Variants in STOX2 observed in about 807,000 individuals in gnomAD.
STOX2 encodes storkhead box 2.
Under a neutral mutation model 60.9 loss-of-function variants are expected in STOX2, and 28 were observed. The ratio of observed to expected loss-of-function variants is 0.46; its 90% CI spans 0.34 to 0.63. The LOEUF (loss-of-function observed/expected upper bound fraction) is 0.63. Among genes scored for constraint, STOX2 ranks in the 30% least tolerant of loss-of-function variants. The pLI is 0.01. For synonymous variants in STOX2, 472 were observed against 463.9 expected (o/e 1.02, Z -0.22); for missense variants, 1,024 against 1,187.7 (o/e 0.86, Z 2.03).
intron 1 of STOX2, among the ~76,000 whole-genome samples, chr4:183,917,950 C>T (rs547883075): frequency 2.6e-5 from 4 of 152,298 alleles, no homozygotes; most frequent in East Asian, 1.9e-4. Flanking sequence ...AGTTGTTAAA[C>T]GTGGATTAAA....
In STOX2 at chr4:183,882,393, C is replaced by T. The variant is rs1421499806; in HGVS notation, c.364+84338C>T. ...AAGAAAAAACAGGGCATTTCCCAGA[C>T]GTAAAACTCCTTCTCATTTCCCAGT... On this transcript the variant is annotated intron_variant, in intron 1 of 2. Transcript: ENST00000513034. Among the ~76,000 whole-genome samples, 5 of 152,194 alleles carry T rather than the reference C, an allele frequency of 3.3e-5. No individual in the cohort carries two copies. The East Asian group carries it at 5.8e-4, about 18-fold the overall frequency.
chr4:183,939,472 G>A (rs1742689639), intron 1 of STOX2, among the ~76,000 whole-genome samples: 1 of 152,172 alleles, frequency 6.6e-6, no homozygotes, highest in Admixed American at 6.5e-5. Flanking sequence ...CTCATCTCGA[G>A]TTCCTTAACT....
chr4:183,960,711 G>A (rs1743387529), intron 1 of STOX2, among the ~76,000 whole-genome samples: 1 of 152,180 alleles, frequency 6.6e-6, no homozygotes, highest in South Asian at 2.1e-4. Flanking sequence ...GGGCCATAAA[G>A]GGGGATGTAA....
intron 1 of STOX2, among the ~76,000 whole-genome samples, chr4:183,883,445 G>A (rs548667495): frequency 2.0e-4 from 31 of 151,488 alleles, no homozygotes; most frequent in South Asian, 6.3e-4. Flanking sequence ...ACGGCCTCCC[G>A]AGTAGCTGGG....
chr4:183,939,055 G>A (rs1270061659), intron 1 of STOX2, among the ~76,000 whole-genome samples: 1 of 152,186 alleles, frequency 6.6e-6, no homozygotes, highest in Non-Finnish European at 1.5e-5. Context: ...TTCAGATTTT[G>A]GACTTGTAAA....
intron 1 of STOX2, among the ~76,000 whole-genome samples, chr4:183,916,174 G>C (rs575338360): frequency 6.6e-6 from 1 of 152,202 alleles, no homozygotes; most frequent in African/African-American, 2.4e-5. Context: ...TGGCGTTCCC[G>C]GGCCAGGGGT....
intron 1 of STOX2, among the ~76,000 whole-genome samples, chr4:183,890,767 G>A (rs1279295580): frequency 6.6e-6 from 1 of 152,158 alleles, no homozygotes; most frequent in Non-Finnish European, 1.5e-5. Flanking sequence ...ATCATTGAAA[G>A]AGTAGGAAGA....
At position 183,949,165 on chromosome 4, in the gene STOX2, C is replaced by T. The variant is rs139383845; in HGVS notation, c.166+42209C>T. Among the ~76,000 whole-genome samples the T allele has an allele frequency of 3.5e-3, 530 of 151,930 alleles. 4 individuals carry two copies. The highest frequency in any genetic ancestry group is 0.012 in the African/African-American group (499 of 41,410). ...GCAGTGTTCACAACCACTAATCAAA[C>T]GAAGATTAGGCACTAAATGAAGAGG... On this transcript the variant is annotated intron_variant, in intron 1 of 3. Coordinates refer to ENST00000308497, the MANE Select transcript of STOX2 (RefSeq NM_020225.3).
At chr4:183,801,990 T>C (rs1233419660) in intron 1 of STOX2, among the ~76,000 whole-genome samples, 1 of 152,222 alleles carries the variant, frequency 6.6e-6, no homozygotes, top group Non-Finnish European at 1.5e-5. Context: ...TTCGGTACAC[T>C]TGCACAGGCC....
At chr4:183,840,531 G>A (rs1041481595) in intron 1 of STOX2, among the ~76,000 whole-genome samples, 10 of 152,200 alleles carry the variant, frequency 6.6e-5, no homozygotes, top group South Asian at 6.2e-4. Context: ...TTTTCTGCAC[G>A]TTTGTGTTTG....
rs1463045408 is a variant in STOX2, at chr4:183,821,429, T to C, written c.364+23374T>C. On this transcript the variant is annotated intron_variant, in intron 1 of 2. Transcript: ENST00000513034. The surrounding 1 kb of genome is among the most constrained non-coding windows in gnomAD (Gnocchi z 4.2). Reference sequence around the variant, plus strand: ...ATTATTCATGCCAGAGCACAGCAACTGTTAGCTGCTCTGAAAATTGTAATT... The same window carrying C: ...ATTATTCATGCCAGAGCACAGCAACCGTTAGCTGCTCTGAAAATTGTAATT... Among the ~76,000 whole-genome samples, 1 of 152,260 alleles carries C rather than the reference T, an allele frequency of 6.6e-6. No individual in the cohort carries two copies. The highest frequency in any genetic ancestry group is 1.5e-5 in the Non-Finnish European group (1 of 68,044).
intron 1 of STOX2, among the ~76,000 whole-genome samples, chr4:183,837,667 C>T (rs959249992): frequency 5.3e-5 from 8 of 152,128 alleles, no homozygotes; most frequent in African/African-American, 1.9e-4. Flanking sequence ...CCATGTTGGC[C>T]AGGCTGGTCT....
intron 1 of STOX2, among the ~76,000 whole-genome samples, chr4:183,954,117 TG>T (rs1743174618): frequency 6.6e-6 from 1 of 152,170 alleles, no homozygotes; most frequent in Non-Finnish European, 1.5e-5. Flanking sequence ...TTGTAATTAA[TG>T]CTTCTTTAAA....
intron 3 of STOX2, 61 bp from the exon 4 acceptor site, chr4:184,017,028 G>A: frequency 1.4e-6 from 2 of 1,390,162 alleles, no homozygotes; most frequent in East Asian, 2.4e-5. Context: ...TTCCTCTGGG[G>A]CTCAATTTAT....
intron 1 of STOX2, among the ~76,000 whole-genome samples, chr4:183,807,760 G>A (rs1021704887): frequency 1.3e-5 from 2 of 152,180 alleles, no homozygotes; most frequent in Non-Finnish European, 2.9e-5. Context: ...TGGGCTGTCA[G>A]CAGGGAGATG....
At chr4:183,907,181 G>A (rs984219807) in intron 1 of STOX2, among the ~76,000 whole-genome samples, 1 of 152,042 alleles carries the variant, frequency 6.6e-6, no homozygotes, top group South Asian at 2.1e-4. Flanking sequence ...AAACGAGGGA[G>A]GGGGGACGAG....
intron 1 of STOX2, among the ~76,000 whole-genome samples, chr4:183,839,734 A>G (rs1251122718): frequency 6.6e-6 from 1 of 152,222 alleles, no homozygotes; most frequent in Non-Finnish European, 1.5e-5. Flanking sequence ...ATTAATTAAT[A>G]ATGGAAAGAA....
At chr4:183,839,742 G>A (rs549219797) in intron 1 of STOX2, among the ~76,000 whole-genome samples, 1 of 152,166 alleles carries the variant, frequency 6.6e-6, no homozygotes, top group Non-Finnish European at 1.5e-5. Flanking sequence ...ATAATGGAAA[G>A]AATTTGAAAT....
At chr4:183,937,138 A>G (rs548105875) in intron 1 of STOX2, among the ~76,000 whole-genome samples, 5 of 152,362 alleles carry the variant, frequency 3.3e-5, no homozygotes, top group African/African-American at 9.6e-5. Flanking sequence ...TTGGTGAGGT[A>G]CATTCATTGT....
Sources: gnomAD v4.1 joint callset for allele counts (sites outside exome capture counted in the v4.1 genomes callset) on GRCh38, gnomAD v4.1.1 for gene constraint, Gnocchi (gnomAD v3.1) non-coding constraint, MANE v1.5 for transcripts, NCBI Gene and HGNC (gene_info 2026-07-23, HGNC 2026-07-21) for gene names.